The following PHEX variants were observed in gnomAD, a reference collection of about 807,000 sequenced individuals.
PHEX encodes the protein phosphate-regulating neutral endopeptidase PHEX.
In PHEX, 16 loss-of-function variants were observed where a neutral mutation model predicts 68.0. The observed-to-expected ratio is 0.24, with a 90% CI of 0.16 to 0.36. The LOEUF is 0.36. PHEX is among the 10% of genes least tolerant of loss of function. The probability of loss-of-function intolerance (pLI) is 1.00; values close to 1 mark genes in which losing one functional copy is unlikely to be tolerated. For synonymous variants in PHEX, 208 were observed against 205.1 expected (o/e 1.01, Z -0.12); for missense variants, 480 against 575.5 (o/e 0.83, Z 1.70).
chrX:22,138,073 T>C (rs1932305100), intron 12 of PHEX, among the ~76,000 whole-genome samples: 1 of 112,500 alleles, frequency 8.9e-6, no homozygotes, highest in Non-Finnish European at 1.9e-5. Context: ...ACTGCCTTTC[T>C]TTCTCTACAT....
intron 16 of PHEX, among the ~76,000 whole-genome samples, chrX:22,216,019 A>G (rs892670177): frequency 8.1e-5 from 9 of 111,710 alleles, no homozygotes; most frequent in African/African-American, 2.9e-4. Flanking sequence ...GATCAGCATT[A>G]TGGAGAGCTA....
At chrX:22,184,830 A>G (rs151243688) in intron 14 of PHEX, among the ~76,000 whole-genome samples, 162 of 112,143 alleles carry the variant, frequency 1.4e-3, no homozygotes, top group Non-Finnish European at 1.0e-3. Flanking sequence ...AATGCATTAA[A>G]TGTCTTTATA....
At chrX:22,119,123 C>G in intron 11 of PHEX, among the ~76,000 whole-genome samples, 1 of 111,426 alleles carries the variant, frequency 9.0e-6, no homozygotes, top group African/African-American at 3.3e-5. Context: ...GTGGCGTGAT[C>G]TCGGCTCACT....
intron 14 of PHEX, among the ~76,000 whole-genome samples, chrX:22,182,252 A>G (rs1364118929): frequency 9.0e-6 from 1 of 111,351 alleles, no homozygotes; most frequent in African/African-American, 3.3e-5. Flanking sequence ...TTCCTTCTAT[A>G]TCCGGTTTTT....
chrX:22,078,118 T>G (rs1929240789), intron 5 of PHEX, among the ~76,000 whole-genome samples: 3 of 112,275 alleles, frequency 2.7e-5, no homozygotes, highest in Non-Finnish European at 5.6e-5. Context: ...CACTAACATT[T>G]TCTTGTGCAC....
At chrX:22,240,573 A>AAAAC (rs1159358253) in intron 20 of PHEX, among the ~76,000 whole-genome samples, 1 of 96,724 alleles carries the variant, frequency 1.0e-5, no homozygotes, top group South Asian at 4.3e-4. Flanking sequence ...GCAAAAAACA[A>AAAAC]AAACAAACAA....
chrX:22,143,433 G>T, intron 12 of PHEX, among the ~76,000 whole-genome samples: 1 of 112,002 alleles, frequency 8.9e-6, no homozygotes, highest in East Asian at 2.8e-4. Flanking sequence ...ATCAATAAAA[G>T]AAAAGAAATG....
chrX:22,041,667 C>T (rs893399627), intron 2 of PHEX, among the ~76,000 whole-genome samples: 1 of 110,365 alleles, frequency 9.1e-6, no homozygotes, highest in East Asian at 2.8e-4. Flanking sequence ...GCGGAACTAT[C>T]AGGACAGGTT....
At chrX:22,228,841 T>C (rs1935605165) in intron 20 of PHEX, among the ~76,000 whole-genome samples, 1 of 111,938 alleles carries the variant, frequency 8.9e-6, no homozygotes, top group African/African-American at 3.3e-5. Context: ...ACCCGTCACC[T>C]ACATTAGGTA....
At chrX:22,104,935 G>A (rs998544234) in intron 9 of PHEX, among the ~76,000 whole-genome samples, 2 of 112,289 alleles carry the variant, frequency 1.8e-5, no homozygotes, top group East Asian at 5.6e-4. Context: ...TTTTGTCAAG[G>A]ACCCTGTAAG....
At chrX:22,088,623 A>G (rs900077297) in intron 5 of PHEX, among the ~76,000 whole-genome samples, 1 of 111,372 alleles carries the variant, frequency 9.0e-6, no homozygotes, top group African/African-American at 3.3e-5. Context: ...GTCTGTTAGA[A>G]TCGTTTGCTC....
chrX:22,246,021 T>C lies in PHEX; in HGVS notation c.2147+612T>C, dbSNP rs190569605. ...CACAAAGGAGGATACAAAGTATTAT[T>C]CAGCAATTATAATTTATATCTAGAG... On this transcript the variant is annotated intron_variant, in intron 21 of 21. Transcript: ENST00000379374. 4.9e-3 allele frequency among the ~76,000 whole-genome samples: 553 copies of C among 112,076 alleles called. 4 individuals are homozygous for C. Among genetic ancestry groups the C allele is most frequent in the African/African-American group, 0.016 (508 of 30,866 alleles).
Position 22,065,688 on chromosome X carries a change from T to G in PHEX, c.350-10700T>G, listed in dbSNP as rs772014801. 3.6e-5 allele frequency among the ~76,000 whole-genome samples: 4 copies of G among 112,027 alleles called. No individual in the cohort carries two copies. In the South Asian group the frequency reaches 1.5e-3, roughly 41 times the overall value. On this transcript the variant is annotated intron_variant, in intron 3 of 21. Transcript: ENST00000379374. ...ATCCGCCTGCCTCGGCCTCCCAAAT[T>G]GCTGGGATTACAGACGTGAGCCACC...
At chrX:22,228,733 A>T (rs189072212) in intron 20 of PHEX, among the ~76,000 whole-genome samples, 22 of 106,766 alleles carry the variant, frequency 2.1e-4, no homozygotes, top group Admixed American at 6.9e-4. Context: ...ACTTTACTTT[A>T]AAAAAAAATT....
chrX:22,243,223 G>A (rs940683684), intron 20 of PHEX, among the ~76,000 whole-genome samples: 9 of 111,616 alleles, frequency 8.1e-5, no homozygotes, highest in South Asian at 3.8e-4. Flanking sequence ...AAACTGGCTC[G>A]CCATATGCAG....
intron 3 of PHEX, among the ~76,000 whole-genome samples, chrX:22,054,006 C>T (rs1927959112): frequency 1.8e-5 from 2 of 111,811 alleles, no homozygotes; most frequent in Non-Finnish European, 3.8e-5. Context: ...AATCTGAAAA[C>T]TTCAGTTCCT....
At chrX:22,104,791 C>T (rs569754672) in intron 9 of PHEX, among the ~76,000 whole-genome samples, 1 of 111,310 alleles carries the variant, frequency 9.0e-6, no homozygotes, top group African/African-American at 3.3e-5. Context: ...AGGTTGGCAT[C>T]AGGAGGAGCT....
chrX:22,181,679 G>A (rs764074457), intron 14 of PHEX, among the ~76,000 whole-genome samples: 2 of 111,516 alleles, frequency 1.8e-5, no homozygotes, highest in South Asian at 3.7e-4. Context: ...TAGTATGGGC[G>A]TTTTCACAGT....
At chrX:22,188,193 C>T (rs1203385572) in intron 14 of PHEX, among the ~76,000 whole-genome samples, 1 of 111,888 alleles carries the variant, frequency 8.9e-6, no homozygotes, top group Non-Finnish European at 1.9e-5. Flanking sequence ...GTTAGTCTGA[C>T]ATAATTATCC....
Sources: gnomAD v4.1 joint callset for allele counts (sites outside exome capture counted in the v4.1 genomes callset) on GRCh38, gnomAD v4.1.1 for gene constraint, MANE v1.5 for transcripts, NCBI Gene and HGNC (gene_info 2026-07-23, HGNC 2026-07-21) for gene names.